Variants in PCDH9 observed in about 807,000 individuals in gnomAD.
The protein encoded by PCDH9 is protocadherin 9, also known as protocadherin-9.
PCDH9 carries 24 observed loss-of-function variants against 70.6 expected under a neutral mutation model. That is an observed-to-expected ratio of 0.34 (90% confidence interval 0.25 to 0.48). The LOEUF is 0.48. PCDH9 is among the 20% of genes least tolerant of loss of function. The pLI, the probability that PCDH9 is intolerant of heterozygous loss-of-function variation, is 0.99. For missense variants in PCDH9, 1,281 were observed against 1,503.6 expected, an observed-to-expected ratio of 0.85 and a Z score of 2.45; for synonymous variants, 562 against 558.5, an observed-to-expected ratio of 1.01 and a Z score of -0.09.
chr13:66,542,421 C>T (rs1960999141), intron 4 of PCDH9, among the ~76,000 whole-genome samples: 1 of 151,790 alleles, frequency 6.6e-6, no homozygotes, highest in South Asian at 2.1e-4. Context: ...GAAGGTTGCC[C>T]TCACTAATGT....
At chr13:67,109,464 C>CT (rs1277476780) in intron 2 of PCDH9, among the ~76,000 whole-genome samples, 9 of 152,138 alleles carry the variant, frequency 5.9e-5, no homozygotes, top group Admixed American at 1.3e-4. Context: ...AATTGGTTTG[C>CT]TTATAGAATC....
chr13:67,017,100 G>A (rs1017836649), intron 2 of PCDH9, among the ~76,000 whole-genome samples: 5 of 152,126 alleles, frequency 3.3e-5, no homozygotes, highest in African/African-American at 1.2e-4. Flanking sequence ...CTGATACATC[G>A]AGCAAATGTG....
intron 3 of PCDH9, among the ~76,000 whole-genome samples, chr13:66,779,198 T>A (rs2079949868): frequency 6.6e-6 from 1 of 151,862 alleles, no homozygotes; most frequent in Admixed American, 6.6e-5. Context: ...TTTTTTAACA[T>A]TTCCATTCTC....
At chr13:66,875,958 G>A (rs1198731949) in intron 3 of PCDH9, among the ~76,000 whole-genome samples, 1 of 152,098 alleles carries the variant, frequency 6.6e-6, no homozygotes, top group Non-Finnish European at 1.5e-5. Context: ...AATTCCAAAT[G>A]CCTATGTTTT....
intron 4 of PCDH9, among the ~76,000 whole-genome samples, chr13:66,357,227 G>A (rs1218650416): frequency 6.6e-6 from 1 of 151,988 alleles, no homozygotes; most frequent in Non-Finnish European, 1.5e-5. Flanking sequence ...GATCAGGTAA[G>A]ATTCCAATGG....
intron 2 of PCDH9, among the ~76,000 whole-genome samples, chr13:67,044,512 A>C (rs1421396899): frequency 6.6e-6 from 1 of 152,164 alleles, no homozygotes; most frequent in Admixed American, 6.6e-5. Context: ...TACAAAGTGC[A>C]ATATCTCACT....
intron 3 of PCDH9, among the ~76,000 whole-genome samples, chr13:66,671,646 G>A (rs1366794265): frequency 6.6e-6 from 1 of 152,142 alleles, no homozygotes; most frequent in Non-Finnish European, 1.5e-5. Context: ...GTGGCATTTT[G>A]CCCCTGCCCT....
chr13:67,036,045 G>A (rs563852684), intron 2 of PCDH9, among the ~76,000 whole-genome samples: 2 of 152,250 alleles, frequency 1.3e-5, no homozygotes, highest in Admixed American at 6.5e-5. Context: ...TGTTCAAAAT[G>A]ATTACTCATG....
chr13:66,870,345 G>C (rs2081654430), intron 3 of PCDH9, among the ~76,000 whole-genome samples: 1 of 152,104 alleles, frequency 6.6e-6, no homozygotes, highest in South Asian at 2.1e-4. Context: ...ATAGTTTGAA[G>C]TCAGGTAGCA....
At chr13:66,508,621 G>T (rs1402562491) in intron 4 of PCDH9, among the ~76,000 whole-genome samples, 1 of 152,064 alleles carries the variant, frequency 6.6e-6, no homozygotes, top group Admixed American at 6.6e-5. Flanking sequence ...AAGCACTGTG[G>T]CCTTCATTAT....
At chr13:66,680,596 A>C (rs552792615) in intron 3 of PCDH9, among the ~76,000 whole-genome samples, 47 of 152,000 alleles carry the variant, frequency 3.1e-4, no homozygotes, top group African/African-American at 9.9e-4. Flanking sequence ...ACTTTTATCC[A>C]TAGGTTGCTG....
chr13:66,465,294 C>T (rs560833321), intron 4 of PCDH9, among the ~76,000 whole-genome samples: 23 of 151,630 alleles, frequency 1.5e-4, no homozygotes, highest in African/African-American at 4.3e-4. Context: ...TTTAGCAAGT[C>T]CAGAAATTTA....
At chr13:66,886,243 C>A (rs2082003039) in intron 3 of PCDH9, among the ~76,000 whole-genome samples, 1 of 152,038 alleles carries the variant, frequency 6.6e-6, no homozygotes, top group African/African-American at 2.4e-5. Context: ...GTATAACTGG[C>A]CAATTTCCAA....
At chr13:67,225,120 T>C in intron 2 of PCDH9, 1 of 1,298,628 alleles carries the variant, frequency 7.7e-7, no homozygotes, top group Non-Finnish European at 9.7e-7. Flanking sequence ...TTTTTCTTCT[T>C]CAGCAAACAT....
intron 2 of PCDH9, among the ~76,000 whole-genome samples, chr13:67,057,720 TTC>T (rs1042488334): frequency 1.3e-5 from 2 of 152,062 alleles, no homozygotes; most frequent in Non-Finnish European, 2.9e-5. Context: ...GACTCAGAAA[TTC>T]TGTTTTTTTT....
At chr13:66,684,999 A>G (rs1216915644) in intron 3 of PCDH9, among the ~76,000 whole-genome samples, 1 of 151,954 alleles carries the variant, frequency 6.6e-6, no homozygotes, top group Non-Finnish European at 1.5e-5. Context: ...CAAAGTTTGG[A>G]AAATTTGCAG....
chr13:66,739,546 C>T (rs1478801616), intron 3 of PCDH9, among the ~76,000 whole-genome samples: 1 of 143,446 alleles, frequency 7.0e-6, no homozygotes, highest in Non-Finnish European at 1.5e-5. Context: ...CACAGACTGG[C>T]AAGTTGGATA....
chr13:66,793,541 T>C lies in PCDH9; in HGVS notation c.3138+109963A>G, dbSNP rs189344106. ...AAATGTATCTAAACAACTTTCATGT[T>C]GTCTTTCAACATTTATGACGTATTT... is the stretch of plus-strand genomic sequence containing the variant. On this transcript the variant is annotated intron_variant, in intron 3 of 4. Coordinates refer to ENST00000377865, the MANE Select transcript of PCDH9 (RefSeq NM_203487.3). Among the ~76,000 whole-genome samples, 64 of 152,308 alleles carry C rather than the reference T, an allele frequency of 4.2e-4. 1 individual carries two copies. Among genetic ancestry groups the C allele is most frequent in the African/African-American group, 1.4e-3 (60 of 41,590 alleles).
At chr13:66,900,914 C>T (rs547811977) in intron 3 of PCDH9, among the ~76,000 whole-genome samples, 1 of 151,722 alleles carries the variant, frequency 6.6e-6, no homozygotes, top group African/African-American at 2.4e-5. Flanking sequence ...TTACCAGGCT[C>T]AGTACAGAAT....
Sources: allele counts gnomAD v4.1 joint callset (sites outside exome capture counted in the v4.1 genomes callset), GRCh38; gene constraint gnomAD v4.1.1; transcripts MANE v1.5; gene names NCBI Gene and HGNC (gene_info 2026-07-23, HGNC 2026-07-21).